The following SYNPO2 variants were observed in gnomAD, a reference collection of about 807,000 sequenced individuals.
SYNPO2 encodes the protein synaptopodin 2.
Under a neutral mutation model 85.0 loss-of-function variants are expected in SYNPO2, and 56 were observed. The observed-to-expected ratio is 0.66, with a 90% CI of 0.53 to 0.82. The LOEUF (loss-of-function observed/expected upper bound fraction) is 0.82. SYNPO2 is among the 40% of genes least tolerant of loss of function. The pLI, the probability that SYNPO2 is intolerant of heterozygous loss-of-function variation, is 0.00. For missense variants in SYNPO2, 1,575 were observed against 1,534.2 expected (o/e 1.03, Z -0.44); for synonymous variants, 602 against 591.1 (o/e 1.02, Z -0.27).
chr4:118,936,478 A>T (rs1332698352), intron 1 of SYNPO2, among the ~76,000 whole-genome samples: 2 of 152,186 alleles, frequency 1.3e-5, no homozygotes, highest in Non-Finnish European at 2.9e-5. Flanking sequence ...TCTTATAAAA[A>T]TGAAAGAGAA....
At chr4:119,039,072 T>C (rs1738626763) in intron 4 of SYNPO2, among the ~76,000 whole-genome samples, 2 of 152,206 alleles carry the variant, frequency 1.3e-5, no homozygotes, top group Non-Finnish European at 2.9e-5. Flanking sequence ...CTTTATTGAC[T>C]TAATTTAAAA....
At chr4:118,967,947 A>G (rs1735379323) in intron 1 of SYNPO2, among the ~76,000 whole-genome samples, 1 of 152,242 alleles carries the variant, frequency 6.6e-6, no homozygotes. Flanking sequence ...ATGAAGACAT[A>G]CAGCTATTCT....
rs1738508396 is a variant in SYNPO2 at position 119,036,314 on chromosome 4, C to G, written c.3252+4287C>G. 5 of 985,122 alleles carry G rather than the reference C, an allele frequency of 5.1e-6. No homozygotes were observed. In the South Asian group the frequency reaches 2.3e-4, roughly 46 times the overall value. 61.0% of individuals were successfully genotyped at this position (985,122 alleles called of 1,614,324 possible). On this transcript the variant is annotated intron_variant, in intron 4 of 4. Transcript: ENST00000307142. ...TTGTTTTTAAACATTTTTATAAGTTCATGAGAAAAAATATATAAATTCTAA... is the reference window on the plus strand; with the variant it reads ...TTGTTTTTAAACATTTTTATAAGTTGATGAGAAAAAATATATAAATTCTAA...
chr4:118,855,535 GT>G (rs1261305787), intron 1 of SYNPO2, among the ~76,000 whole-genome samples: 1 of 152,080 alleles, frequency 6.6e-6, no homozygotes, highest in Non-Finnish European at 1.5e-5. Flanking sequence ...CATATTAAAT[GT>G]AGTTTCATTG....
intron 1 of SYNPO2, among the ~76,000 whole-genome samples, chr4:118,907,425 A>T (rs904733756): frequency 2.6e-5 from 4 of 152,240 alleles, no homozygotes; most frequent in African/African-American, 9.6e-5. Context: ...CAATACTCTG[A>T]CTTAGCTGTC....
chr4:118,945,123 T>A (rs1734452388), intron 1 of SYNPO2, among the ~76,000 whole-genome samples: 1 of 152,236 alleles, frequency 6.6e-6, no homozygotes, highest in African/African-American at 2.4e-5. Context: ...TCAATAAATG[T>A]GAGCCATTAT....
At chr4:118,916,173 G>A (rs1415863143) in intron 1 of SYNPO2, among the ~76,000 whole-genome samples, 1 of 149,340 alleles carries the variant, frequency 6.7e-6, no homozygotes, top group Non-Finnish European at 1.5e-5. Context: ...AGGGTTTTTT[G>A]GGTTTTTTTT....
intron 4 of SYNPO2, chr4:119,035,854 A>C (rs539034727): frequency 5.1e-6 from 5 of 985,188 alleles, no homozygotes; most frequent in South Asian, 9.4e-5. Context: ...CTACATTGAA[A>C]GGGGGTAGAC....
At chr4:118,977,210 A>G (rs1735805134) in intron 1 of SYNPO2, among the ~76,000 whole-genome samples, 1 of 152,214 alleles carries the variant, frequency 6.6e-6, no homozygotes, top group South Asian at 2.1e-4. Context: ...AAGGCAGCTA[A>G]GGCCCGGGGA....
At chr4:119,038,447 G>T (rs953430227) in intron 4 of SYNPO2, 1 of 985,142 alleles carries the variant, frequency 1.0e-6, no homozygotes, top group Non-Finnish European at 1.2e-6. Context: ...AGAATGAATA[G>T]TGTTGTTCGT....
intron 1 of SYNPO2, among the ~76,000 whole-genome samples, chr4:118,970,797 GAGA>G: frequency 6.6e-6 from 1 of 152,342 alleles, no homozygotes; most frequent in Admixed American, 6.5e-5. Context: ...TGCACATGCA[GAGA>G]AGAAGTCCTT....
chr4:118,947,150 T>C (rs182479077), intron 1 of SYNPO2, among the ~76,000 whole-genome samples: 16 of 152,384 alleles, frequency 1.0e-4, no homozygotes, highest in African/African-American at 3.6e-4. Flanking sequence ...TTAAAGCATA[T>C]GGAATTCTGT....
At position 118,986,696 on chromosome 4, in the gene SYNPO2, G is replaced by A. The variant is rs541537784; in HGVS notation, c.106-36734G>A. 4.1e-4 allele frequency among the ~76,000 whole-genome samples: 63 copies of A among 152,248 alleles called. No individual in the cohort carries two copies. In the South Asian group the frequency reaches 0.012, roughly 30 times the overall value. ...TAGTCCAAACCACGACTGGCCGCAG[G>A]GAGCATAGACCTTTTCTGAGAGGGA... On this transcript the variant is annotated intron_variant, in intron 1 of 4. Transcript: ENST00000307142.
chr4:118,892,200 A>G (rs1732399785), intron 1 of SYNPO2, among the ~76,000 whole-genome samples: 1 of 152,216 alleles, frequency 6.6e-6, no homozygotes, highest in Admixed American at 6.5e-5. Context: ...AATATTCATT[A>G]TCAAAACTTG....
chr4:118,888,763 G>A (rs1285594992), upstream of SYNPO2: 3 of 474,454 alleles, frequency 6.3e-6, no homozygotes, highest in Admixed American at 3.8e-5. Context: ...TTTCCTCGAA[G>A]GTGGGCCGAG....
Position 119,031,458 on chromosome 4 carries a change from G to T in SYNPO2, c.2683G>T (p.Ala895Ser). ...KYVVDSDTVQ[A>S]HAARAQSPTP... ...TGTGGTCGATTCAGACACGGTGCAG[G>T]CCCACGCTGCTCGAGCTCAGTCTCC... The change falls in exon 4 of 5, where the codon GCC (alanine) becomes TCC (serine). Residue 895 changes from alanine (A) to serine (S), a missense_variant. Ala to Ser is a moderately conservative substitution (Grantham distance 99, BLOSUM62 1). Around this residue, in one of 3 missense-constraint regions of SYNPO2, gnomAD observed 1,508 missense variants for 1,446.8 expected, o/e 1.04. Transcript: ENST00000307142. The T allele has an allele frequency of 6.2e-7, 1 of 1,614,092 alleles. No homozygotes were observed. The highest frequency in any genetic ancestry group is 8.5e-7 in the Non-Finnish European group (1 of 1,180,010).
At chr4:118,872,367 C>T (rs974087164) in intron 1 of SYNPO2, among the ~76,000 whole-genome samples, 2 of 152,110 alleles carry the variant, frequency 1.3e-5, no homozygotes, top group African/African-American at 4.8e-5. Context: ...GGCTAAGAAG[C>T]AGCTTAAAAA....
At chr4:118,979,908 C>T (rs1364785797) in intron 1 of SYNPO2, among the ~76,000 whole-genome samples, 1 of 152,184 alleles carries the variant, frequency 6.6e-6, no homozygotes, top group Non-Finnish European at 1.5e-5. Flanking sequence ...TTCTGAGCAC[C>T]TTGGTCTATT....
intron 1 of SYNPO2, among the ~76,000 whole-genome samples, chr4:118,953,447 G>T (rs78882642): frequency 1.3e-5 from 2 of 152,126 alleles, no homozygotes; most frequent in Admixed American, 1.3e-4. Flanking sequence ...CAGTGCGGGG[G>T]ATAGGACAGG....
Sources: allele counts gnomAD v4.1 joint callset (sites outside exome capture counted in the v4.1 genomes callset), GRCh38; gene constraint gnomAD v4.1.1; regional missense constraint gnomAD v4.1.1; transcripts MANE v1.5; gene names NCBI Gene and HGNC (gene_info 2026-07-23, HGNC 2026-07-21).